The following METTL23 variants were observed in gnomAD, a reference collection of about 807,000 sequenced individuals.
The protein encoded by METTL23 is histone-arginine methyltransferase METTL23.
A neutral mutation model predicts 21.2 loss-of-function variants in METTL23; 24 were observed. The ratio of observed to expected loss-of-function variants is 1.13; its 90% CI spans 0.82 to 1.59. The LOEUF (loss-of-function observed/expected upper bound fraction) is 1.59, where lower values mean the gene tolerates loss of function less well. METTL23 is among the 40% of genes most tolerant of loss of function. METTL23 has a pLI of 0.00. For missense variants in METTL23, 276 were observed against 221.4 expected (o/e 1.25, Z -1.57); for synonymous variants, 97 against 75.2 (o/e 1.29, Z -1.50).
rs942190817 is a variant in METTL23 at position 76,731,945 on chromosome 17, T to C, written c.85-1033T>C. Among the ~76,000 whole-genome samples the C allele has an allele frequency of 7.2e-5, 11 of 152,366 alleles. 1 individual carries two copies. In the East Asian group the frequency reaches 1.7e-3, roughly 24 times the overall value. Reference sequence around the variant, plus strand: ...CATTCCCTGGTATTATTTCTTAGTGTCTGCAAAGCATCTTGCCGCTTTGAA... The same window carrying C: ...CATTCCCTGGTATTATTTCTTAGTGCCTGCAAAGCATCTTGCCGCTTTGAA... On this transcript the variant is annotated intron_variant, in intron 2 of 4. Transcript: ENST00000341249.
In METTL23 at chr17:76,729,750, CT is replaced by C; in HGVS notation, c.43del (p.Trp15GlyfsTer13). 1 of 1,600,378 alleles carries C rather than the reference CT, an allele frequency of 6.2e-7. No homozygotes were observed. Among genetic ancestry groups the C allele is most frequent in the Non-Finnish European group, 8.5e-7 (1 of 1,172,342 alleles). ...WPCAVVLAQY[L>X]WFHRRSLPGK... ...CTGTGCTGTGGTCCTGGCCCAGTAC[CT>C]TTGGTTTCACAGAAGATCTCTGCCA... is the stretch of plus-strand genomic sequence containing the variant. On this transcript the variant is annotated frameshift_variant, in exon 2 of 5. Transcript: ENST00000341249. LOFTEE classifies it high-confidence loss of function.
chr17:76,732,217 G>A (rs1295075553), intron 2 of METTL23, among the ~76,000 whole-genome samples: 4 of 141,584 alleles, frequency 2.8e-5, no homozygotes, highest in South Asian at 2.1e-4. Flanking sequence ...AATACTAGCC[G>A]AGTGGCTGGG....
intron 1 of METTL23, among the ~76,000 whole-genome samples, chr17:76,728,151 G>T (rs2077031252): frequency 6.6e-6 from 1 of 151,774 alleles, no homozygotes; most frequent in South Asian, 2.1e-4. Context: ...TGGGAGGATT[G>T]CTTGAGCCCG....
chr17:76,730,298 A>G (rs924066094), intron 2 of METTL23, among the ~76,000 whole-genome samples: 1 of 151,926 alleles, frequency 6.6e-6, no homozygotes, highest in Non-Finnish European at 1.5e-5. Context: ...CAAAAAAAAA[A>G]AAAAGTGGTT....
chr17:76,727,195 C>T lies in METTL23; in HGVS notation c.-22+17C>T. On this transcript the variant is annotated intron_variant, in intron 1 of 4. Transcript: ENST00000341249. ...GTCCCGCAGGTGCGTGCAGCAGCAC[C>T]CGCCAGGAGGCGCCTGAGGTCAGGA... 1 of 389,458 alleles carries T rather than the reference C, an allele frequency of 2.6e-6. No individual in the cohort carries two copies. Among genetic ancestry groups the T allele is most frequent in the Non-Finnish European group, 5.2e-6 (1 of 193,530 alleles). 24.1% of individuals were successfully genotyped at this position (389,458 alleles called of 1,614,324 possible).
chr17:76,731,450 G>A (rs925202246), intron 2 of METTL23, among the ~76,000 whole-genome samples: 1 of 152,176 alleles, frequency 6.6e-6, no homozygotes, highest in African/African-American at 2.4e-5. Context: ...TTTTATAAGG[G>A]CACTAATCAT....
rs1164592861 is a variant in METTL23 at position 76,733,694 on chromosome 17, C to G, written c.*8C>G. The G allele has an allele frequency of 1.1e-5, 17 of 1,610,088 alleles. No individual in the cohort carries two copies. The highest frequency in any genetic ancestry group is 6.7e-5 in the East Asian group (3 of 44,854). The stretch of plus-strand genomic sequence containing the variant: ...GCAAAGGACAGTCTCTGAATTATAC[C>G]TACAACCTGTTCTGGGACAGTATCA... On this transcript the variant is annotated 3_prime_UTR_variant, in exon 5 of 5. Coordinates refer to ENST00000341249, the MANE Select transcript of METTL23 (RefSeq NM_001080510.5).
intron 2 of METTL23, among the ~76,000 whole-genome samples, chr17:76,730,919 C>T (rs900314476): frequency 1.3e-5 from 2 of 151,884 alleles, no homozygotes; most frequent in Non-Finnish European, 2.9e-5. Context: ...CTGGCTAACA[C>T]GGTGAAACCC....
chr17:76,730,384 C>T (rs1276288913), intron 2 of METTL23, among the ~76,000 whole-genome samples: 1 of 152,170 alleles, frequency 6.6e-6, no homozygotes, highest in East Asian at 1.9e-4. Context: ...GGGAAGATGA[C>T]TTGAGCCCAG....
intron 2 of METTL23, among the ~76,000 whole-genome samples, chr17:76,731,845 A>G (rs908787544): frequency 7.2e-5 from 11 of 152,224 alleles, no homozygotes; most frequent in African/African-American, 2.4e-4. Context: ...CTGGGCACTC[A>G]CAATAATTCT....
At chr17:76,728,190 C>G (rs1198624951) in intron 1 of METTL23, among the ~76,000 whole-genome samples, 1 of 149,420 alleles carries the variant, frequency 6.7e-6, no homozygotes, top group African/African-American at 2.5e-5. Flanking sequence ...GAGCTATGAT[C>G]AGGCCACTGC....
rs1568017769 is a variant in METTL23, at chr17:76,733,714, G to C, written c.*28G>C. 11 of 1,586,828 alleles carry C rather than the reference G, an allele frequency of 6.9e-6. No homozygotes were observed. In the Admixed American group the frequency reaches 1.3e-4, roughly 18 times the overall value. On this transcript the variant is annotated 3_prime_UTR_variant, in exon 5 of 5. Transcript: ENST00000341249. The stretch of plus-strand genomic sequence containing the variant: ...TATACCTACAACCTGTTCTGGGACA[G>C]TATCAATACTGATGAGCAACCTGGC...
intron 1 of METTL23, among the ~76,000 whole-genome samples, chr17:76,729,455 C>G (rs941861262): frequency 3.3e-5 from 5 of 152,086 alleles, no homozygotes; most frequent in Non-Finnish European, 5.9e-5. Flanking sequence ...GAGCTATATC[C>G]CCAGTCTGAG....
intron 2 of METTL23, chr17:76,732,708 G>C: frequency 4.0e-6 from 2 of 496,476 alleles, no homozygotes; most frequent in Non-Finnish European, 7.3e-6. Context: ...ACTTCTGTGT[G>C]CATAGCAATT....
In METTL23 at chr17:76,728,503, T is replaced by A. The variant is rs8074257; in HGVS notation, c.-21-1187T>A. On this transcript the variant is annotated intron_variant, in intron 1 of 4. Coordinates refer to ENST00000341249, the MANE Select transcript of METTL23 (RefSeq NM_001080510.5). Reference sequence around the variant, plus strand: ...TCAGCTCACTGCAACCTCCGCCTCGTGGGTTCAAGTGATTCTCCTGCCTCA... The same window carrying A: ...TCAGCTCACTGCAACCTCCGCCTCGAGGGTTCAAGTGATTCTCCTGCCTCA... 2.6e-5 allele frequency among the ~76,000 whole-genome samples: 4 copies of A among 151,260 alleles called. No homozygotes were observed. In the South Asian group the frequency reaches 8.3e-4, roughly 31 times the overall value.
chr17:76,729,772 T>C lies in METTL23; in HGVS notation c.62T>C (p.Leu21Pro). Residue 21 changes from leucine to proline, a missense_variant, in exon 2 of 5, where the codon CTG (leucine) becomes CCG (proline). Physicochemically the swap from Leu to Pro is moderately conservative, Grantham distance 98 (BLOSUM62 -3). Transcript: ENST00000341249. ...AQYLWFHRRS[L>P]PGKAILEIGA... ...TACCTTTGGTTTCACAGAAGATCTCTGCCAGGCAAGGCCATCTTAGAGGTA... is the reference window on the plus strand; with the variant it reads ...TACCTTTGGTTTCACAGAAGATCTCCGCCAGGCAAGGCCATCTTAGAGGTA... The C allele has an allele frequency of 2.5e-6, 4 of 1,594,936 alleles. No individual in the cohort carries two copies. The highest frequency in any genetic ancestry group is 3.4e-6 in the Non-Finnish European group (4 of 1,169,302).
chr17:76,731,897 G>C (rs1173356497), intron 2 of METTL23, among the ~76,000 whole-genome samples: 1 of 152,176 alleles, frequency 6.6e-6, no homozygotes, highest in Non-Finnish European at 1.5e-5. Flanking sequence ...GGAAGCTTGT[G>C]TTTATGCTAA....
rs569921893 is a variant in METTL23, at chr17:76,733,697, C to T, written c.*11C>T. 1.7e-4 allele frequency: 272 copies of T among 1,609,542 alleles called. 3 individuals are homozygous for T. The South Asian group carries it at 2.7e-3, about 16-fold the overall frequency. The stretch of plus-strand genomic sequence containing the variant: ...AAGGACAGTCTCTGAATTATACCTA[C>T]AACCTGTTCTGGGACAGTATCAATA... On this transcript the variant is annotated 3_prime_UTR_variant, in exon 5 of 5. Coordinates refer to ENST00000341249, the MANE Select transcript of METTL23 (RefSeq NM_001080510.5).
In METTL23 at chr17:76,732,998, T is replaced by C; in HGVS notation, c.105T>C (p.Leu35=). The change falls in exon 3 of 5, where the codon CTT becomes CTC. Residue 35 remains leucine (L), a synonymous_variant. Transcript: ENST00000341249. ...AILEIGAGVS[L]PGILAAKCGA... ...ATTAGATTGGAGCTGGAGTGAGCCTTCCAGGAATTTTGGCTGCCAAATGTG... is the reference window on the plus strand; with the variant it reads ...ATTAGATTGGAGCTGGAGTGAGCCTCCCAGGAATTTTGGCTGCCAAATGTG... 6.3e-7 allele frequency: 1 copy of C among 1,581,188 alleles called. No individual in the cohort carries two copies. The highest frequency in any genetic ancestry group is 8.6e-7 in the Non-Finnish European group (1 of 1,162,224).
Sources: gnomAD v4.1 joint callset for allele counts (sites outside exome capture counted in the v4.1 genomes callset) on GRCh38, gnomAD v4.1.1 for gene constraint, MANE v1.5 for transcripts, NCBI Gene and HGNC (gene_info 2026-07-23, HGNC 2026-07-21) for gene names.